The following HPSE2 variants were observed in gnomAD, a reference collection of about 807,000 sequenced individuals.
HPSE2 encodes inactive heparanase-2.
Under a neutral mutation model 60.5 loss-of-function variants are expected in HPSE2, and 38 were observed. The observed-to-expected ratio is 0.63, with a 90% CI of 0.48 to 0.82. The LOEUF (loss-of-function observed/expected upper bound fraction) is 0.82, where lower values mean the gene tolerates loss of function less well. Ranked by LOEUF, HPSE2 falls within the 40% of genes least tolerant of loss-of-function variation. The pLI is 0.00. For synonymous variants in HPSE2, 295 were observed against 293.2 expected, an observed-to-expected ratio of 1.01 and a Z score of -0.06; for missense variants, 713 against 740.4, an observed-to-expected ratio of 0.96 and a Z score of 0.43.
At chr10:99,259,235 G>A in the HPSE2 span, among the ~76,000 whole-genome samples, 9 of 151,458 alleles carry the variant, frequency 5.9e-5, no homozygotes, top group African/African-American at 1.2e-4. Context: ...GAACCTGGGA[G>A]GTGGAGGTTG....
At chr10:99,153,088 C>T (rs1846349605) in intron 2 of HPSE2, among the ~76,000 whole-genome samples, 1 of 152,254 alleles carries the variant, frequency 6.6e-6, no homozygotes, top group Non-Finnish European at 1.5e-5. Flanking sequence ...CCGCACATGG[C>T]TCGGAGGGTC....
At chr10:98,971,428 T>C (rs1202384593) in intron 3 of HPSE2, among the ~76,000 whole-genome samples, 1 of 152,170 alleles carries the variant, frequency 6.6e-6, no homozygotes, top group Non-Finnish European at 1.5e-5. Flanking sequence ...TTTGTACCCA[T>C]AACACATTCA....
intron 3 of HPSE2, among the ~76,000 whole-genome samples, chr10:98,815,233 G>C (rs1365845476): frequency 5.5e-4 from 83 of 152,198 alleles, no homozygotes; most frequent in Admixed American, 5.4e-3. Context: ...AGCGAGCCAT[G>C]ATGGCACCAC....
chr10:98,941,661 A>C (rs1228326985), intron 3 of HPSE2, among the ~76,000 whole-genome samples: 6 of 136,234 alleles, frequency 4.4e-5, no homozygotes, highest in Admixed American at 2.2e-4. Flanking sequence ...TGCCCAAGGT[A>C]ATTTATAGAT....
chr10:98,725,312 C>T (rs1276402232), intron 4 of HPSE2, among the ~76,000 whole-genome samples: 1 of 152,122 alleles, frequency 6.6e-6, no homozygotes, highest in Non-Finnish European at 1.5e-5. Context: ...TGGAACAGAA[C>T]AGAGCCCTCA....
intron 3 of HPSE2, among the ~76,000 whole-genome samples, chr10:99,060,044 CCACA>C (rs144555795): frequency 6.7e-6 from 1 of 149,524 alleles, no homozygotes; most frequent in East Asian, 2.0e-4. Flanking sequence ...CAACATCTCC[CCACA>C]CACACACACA....
intron 2 of HPSE2, among the ~76,000 whole-genome samples, chr10:99,167,389 A>G (rs972859565): frequency 2.6e-5 from 4 of 152,208 alleles, no homozygotes; most frequent in East Asian, 3.8e-4. Flanking sequence ...TAGAAGTTTT[A>G]TAAGTGTTGT....
intron 3 of HPSE2, among the ~76,000 whole-genome samples, chr10:98,759,579 G>A (rs1008014748): frequency 2.6e-5 from 4 of 152,136 alleles, no homozygotes; most frequent in Non-Finnish European, 2.9e-5. Flanking sequence ...TCTCAGAACC[G>A]TTGTTAAAGA....
At chr10:99,152,441 G>A (rs746111577) in intron 2 of HPSE2, among the ~76,000 whole-genome samples, 1 of 151,858 alleles carries the variant, frequency 6.6e-6, no homozygotes, top group Non-Finnish European at 1.5e-5. Flanking sequence ...AGGAAGAAAT[G>A]AAATACACTA....
At chr10:99,254,631 T>G in the HPSE2 span, among the ~76,000 whole-genome samples, 1 of 152,230 alleles carries the variant, frequency 6.6e-6, no homozygotes, top group African/African-American at 2.4e-5. Context: ...AATAGCTAAT[T>G]GTTTAACTAA....
At chr10:99,261,399 A>C in the HPSE2 span, among the ~76,000 whole-genome samples, 1 of 152,098 alleles carries the variant, frequency 6.6e-6, no homozygotes, top group Admixed American at 6.6e-5. Context: ...CAACCTACCC[A>C]ACAATTGCCT....
chr10:98,938,379 C>G lies in HPSE2; in HGVS notation c.611-194323G>C, dbSNP rs1476395779. ...AAATGTATAACTAGAATAACCAATA[C>G]AGAGAAGTGCTTAAAGTAGCTGATG... is the stretch of plus-strand genomic sequence containing the variant. On this transcript the variant is annotated intron_variant, in intron 3 of 11. Coordinates refer to ENST00000370552, the MANE Select transcript of HPSE2 (RefSeq NM_021828.5). Among the ~76,000 whole-genome samples, 14 of 144,036 alleles carry G rather than the reference C, an allele frequency of 9.7e-5. 3 individuals are homozygous for G. The highest frequency in any genetic ancestry group is 3.9e-4 in the African/African-American group (14 of 35,476). The allele number at this position is 144,036 out of a possible 152,430, so 94.5% of individuals were successfully genotyped here. A position where few individuals can be genotyped will look rare whatever the true frequency, so the allele number is the denominator to read the frequency against.
the HPSE2 span, among the ~76,000 whole-genome samples, chr10:99,258,191 A>AT: frequency 1.3e-5 from 2 of 152,106 alleles, no homozygotes; most frequent in Admixed American, 6.6e-5. Context: ...AGTTAATTGT[A>AT]TTTTTATGTA....
At chr10:99,086,643 C>A (rs1488883982) in intron 3 of HPSE2, among the ~76,000 whole-genome samples, 1 of 151,962 alleles carries the variant, frequency 6.6e-6, no homozygotes, top group African/African-American at 2.4e-5. Context: ...TGAGCCACCG[C>A]GCCCGGCCGG....
intron 3 of HPSE2, among the ~76,000 whole-genome samples, chr10:98,763,821 G>T (rs1256572153): frequency 1.3e-5 from 2 of 151,130 alleles, no homozygotes; most frequent in East Asian, 3.9e-4. Context: ...GAAGAAACTT[G>T]CTCTAAAAGA....
chr10:98,731,926 A>G (rs72842304), intron 4 of HPSE2, among the ~76,000 whole-genome samples: 2,294 of 152,292 alleles, frequency 0.015, 33 homozygotes, highest in African/African-American at 0.03. Flanking sequence ...CTAAAGAATA[A>G]ATTCAGCAAG....
chr10:99,257,569 G>C, the HPSE2 span, among the ~76,000 whole-genome samples: 1 of 152,156 alleles, frequency 6.6e-6, no homozygotes, highest in Non-Finnish European at 1.5e-5. Context: ...CAGACCGGTT[G>C]TCTGCTCTCA....
intron 3 of HPSE2, among the ~76,000 whole-genome samples, chr10:98,897,678 T>C (rs1017672710): frequency 6.6e-6 from 1 of 152,080 alleles, no homozygotes; most frequent in Non-Finnish European, 1.5e-5. Context: ...TAGATTCAGA[T>C]CTCATACCCT....
chr10:98,615,284 T>C (rs1231701912), intron 8 of HPSE2, among the ~76,000 whole-genome samples: 1 of 152,228 alleles, frequency 6.6e-6, no homozygotes, highest in Non-Finnish European at 1.5e-5. Context: ...AAATAGTTTG[T>C]TGTGAATGAC....
Sources: allele counts gnomAD v4.1 joint callset (sites outside exome capture counted in the v4.1 genomes callset), GRCh38; gene constraint gnomAD v4.1.1; transcripts MANE v1.5; gene names NCBI Gene and HGNC (gene_info 2026-07-23, HGNC 2026-07-21).